The following R3HDM1 variants were observed in gnomAD, a reference collection of about 807,000 sequenced individuals.
The protein encoded by R3HDM1 is R3H domain-containing protein 1.
In R3HDM1, 46 loss-of-function variants were observed where a neutral mutation model predicts 141.1. That is an observed-to-expected ratio of 0.33 (90% confidence interval 0.26 to 0.42). The LOEUF (loss-of-function observed/expected upper bound fraction) is 0.42, where lower values mean the gene tolerates loss of function less well. Among genes scored for constraint, R3HDM1 ranks in the 10% least tolerant of loss-of-function variants. The pLI is 1.00. For synonymous variants in R3HDM1, 435 were observed against 472.9 expected (o/e 0.92, Z 1.04); for missense variants, 1,184 against 1,368.3 (o/e 0.87, Z 2.12).
chr2:135,568,405 A>G (rs1346479174), intron 1 of R3HDM1, among the ~76,000 whole-genome samples: 3 of 150,458 alleles, frequency 2.0e-5, no homozygotes, highest in African/African-American at 7.4e-5. Flanking sequence ...GCTGGAGTGC[A>G]GTTGTGTAAT....
chr2:135,716,563 A>G (rs2076168910), intron 24 of R3HDM1, among the ~76,000 whole-genome samples: 1 of 152,252 alleles, frequency 6.6e-6, no homozygotes, highest in Non-Finnish European at 1.5e-5. Flanking sequence ...AAAAAAATTT[A>G]CAAACAACCT....
chr2:135,547,444 C>G (rs1270664814), intron 1 of R3HDM1, among the ~76,000 whole-genome samples: 1 of 148,402 alleles, frequency 6.7e-6, no homozygotes, highest in South Asian at 2.1e-4. Flanking sequence ...TTATGACTGT[C>G]TTCGATTTTT....
intron 1 of R3HDM1, among the ~76,000 whole-genome samples, chr2:135,551,794 T>C (rs1345546864): frequency 6.6e-6 from 1 of 152,168 alleles, no homozygotes; most frequent in Non-Finnish European, 1.5e-5. Context: ...ATTTTTTGAG[T>C]GAAATGTCAA....
chr2:135,577,291 A>T, intron 1 of R3HDM1: 2 of 891,840 alleles, frequency 2.2e-6, no homozygotes, highest in Non-Finnish European at 2.7e-6. Context: ...CTGGAAGAAA[A>T]TTTTTTCAAC....
chr2:135,661,157 C>T, intron 18 of R3HDM1, 113 bp from the exon 19 acceptor site: 4 of 1,279,374 alleles, frequency 3.1e-6, no homozygotes, highest in Admixed American at 2.5e-5. Context: ...AATCAGTTTT[C>T]CAATGATTAG....
chr2:135,720,034 C>T (rs572846905), intron 24 of R3HDM1, among the ~76,000 whole-genome samples: 4 of 152,146 alleles, frequency 2.6e-5, no homozygotes, highest in South Asian at 2.1e-4. Context: ...TTAGGAGAGA[C>T]GGGGTTTCAC....
At chr2:135,560,259 A>G (rs746223802) in intron 1 of R3HDM1, among the ~76,000 whole-genome samples, 2 of 152,240 alleles carry the variant, frequency 1.3e-5, no homozygotes, top group Non-Finnish European at 2.9e-5. Context: ...TGCAGGTGAT[A>G]CTTAGATTCC....
chr2:135,631,599 AAT>A (rs2062725105), intron 7 of R3HDM1, 117 bp from the exon 8 acceptor site: 2 of 668,376 alleles, frequency 3.0e-6, no homozygotes, highest in Middle Eastern at 4.3e-4. Context: ...AGATTGGGGT[AAT>A]ACTGAATGTA....
At chr2:135,612,514 G>A (rs1300076666) in intron 3 of R3HDM1, among the ~76,000 whole-genome samples, 1 of 151,952 alleles carries the variant, frequency 6.6e-6, no homozygotes, top group Non-Finnish European at 1.5e-5. Context: ...CTAGTAGCTG[G>A]TAACTCTGAC....
chr2:135,551,989 A>G (rs1388597786), intron 1 of R3HDM1, among the ~76,000 whole-genome samples: 1 of 152,216 alleles, frequency 6.6e-6, no homozygotes, highest in Non-Finnish European at 1.5e-5. Context: ...TAATTGCAAA[A>G]TTGAAAAGTT....
chr2:135,664,869 C>CTG (rs1438984042), intron 19 of R3HDM1, among the ~76,000 whole-genome samples: 1 of 152,194 alleles, frequency 6.6e-6, no homozygotes, highest in Non-Finnish European at 1.5e-5. Context: ...AGTCAGAATC[C>CTG]TGATGGCCCT....
At chr2:135,695,055 C>T (rs942577699) in intron 21 of R3HDM1, among the ~76,000 whole-genome samples, 3 of 152,164 alleles carry the variant, frequency 2.0e-5, no homozygotes, top group East Asian at 1.9e-4. Flanking sequence ...TCCTGTTGCC[C>T]GCCCCCCAAA....
intron 3 of R3HDM1, among the ~76,000 whole-genome samples, chr2:135,614,510 G>C (rs938997274): frequency 6.6e-6 from 1 of 152,194 alleles, no homozygotes; most frequent in African/African-American, 2.4e-5. Context: ...AGTGCAAGTA[G>C]TATGAACTTT....
In R3HDM1 at chr2:135,710,635, AGT is replaced by A. The variant is rs779769703; in HGVS notation, c.2736+407_2736+408del. On this transcript the variant is annotated intron_variant, in intron 23 of 26. Transcript: ENST00000683871. ...ATTGCACTCCAGCCTGGGCAACAAG[AGT>A]GTAACTCTGTCTCAAAAAAAAAAGA... Among the ~76,000 whole-genome samples the A allele has an allele frequency of 3.9e-5, 6 of 152,126 alleles. No homozygotes were observed. In the East Asian group the frequency reaches 9.7e-4, roughly 25 times the overall value.
chr2:135,539,570 T>C (rs1697016677), intron 1 of R3HDM1, among the ~76,000 whole-genome samples: 1 of 152,044 alleles, frequency 6.6e-6, no homozygotes, highest in East Asian at 1.9e-4. Flanking sequence ...ATACTGCGAG[T>C]TCAGTTCCAG....
chr2:135,608,863 A>G (rs6723890), intron 3 of R3HDM1, among the ~76,000 whole-genome samples: 14,209 of 152,280 alleles, frequency 0.093, 920 homozygotes, highest in South Asian at 0.31. Flanking sequence ...TACCATGAAT[A>G]TTATAACTTA....
rs571351651 is a variant in R3HDM1 at position 135,551,834 on chromosome 2, T to G, written c.-250+20201T>G. Reference sequence around the variant, plus strand: ...TATTGTAAACTGATTTGAGAGTTGTTTTCATTATCTGATTCATTAAGCTTC... The same window carrying G: ...TATTGTAAACTGATTTGAGAGTTGTGTTCATTATCTGATTCATTAAGCTTC... On this transcript the variant is annotated intron_variant, in intron 1 of 26. Coordinates refer to ENST00000683871, the MANE Select transcript of R3HDM1 (RefSeq NM_001378107.1). Among the ~76,000 whole-genome samples the G allele has an allele frequency of 4.6e-5, 7 of 152,316 alleles. No homozygotes were observed. The South Asian group carries it at 1.4e-3, about 32-fold the overall frequency.
chr2:135,531,667 C>T, intron 1 of R3HDM1, 34 bp downstream of exon 1: 1 of 986,192 alleles, frequency 1.0e-6, no homozygotes. Context: ...CGTCCAGCTC[C>T]CCGGGAATAA....
chr2:135,577,827 A>T (rs1705827585), intron 1 of R3HDM1, among the ~76,000 whole-genome samples: 1 of 146,250 alleles, frequency 6.8e-6, no homozygotes, highest in African/African-American at 2.6e-5. Context: ...AACAAGAATG[A>T]AACTTCATCT....
Sources: gnomAD v4.1 joint callset for allele counts (sites outside exome capture counted in the v4.1 genomes callset) on GRCh38, gnomAD v4.1.1 for gene constraint, MANE v1.5 for transcripts, NCBI Gene and HGNC (gene_info 2026-07-23, HGNC 2026-07-21) for gene names.